Variants in ANO10 observed in about 807,000 individuals in gnomAD.
ANO10 encodes anoctamin-10.
Under a neutral mutation model 74.7 loss-of-function variants are expected in ANO10, and 77 were observed. The ratio of observed to expected loss-of-function variants is 1.03; its 90% CI spans 0.86 to 1.25. ANO10 has a LOEUF of 1.25. Ranked by LOEUF, ANO10 falls within the 50% of genes most tolerant of loss-of-function variation. The pLI, the probability that ANO10 is intolerant of heterozygous loss-of-function variation, is 0.00. For synonymous variants in ANO10, 279 were observed against 284.9 expected (o/e 0.98, Z 0.21); for missense variants, 721 against 778.1 (o/e 0.93, Z 0.87).
chr3:43,466,387 A>AG lies in ANO10; in HGVS notation c.1798-33661_1798-33660insC, dbSNP rs1559575404. Among the ~76,000 whole-genome samples, 4 of 120,060 alleles carry AG rather than the reference A, an allele frequency of 3.3e-5. No individual in the cohort carries two copies. In the East Asian group the frequency reaches 1.1e-3, roughly 32 times the overall value. The allele number at this position is 120,060 out of a possible 152,430, so 78.8% of individuals were successfully genotyped here. On this transcript the variant is annotated intron_variant, in intron 11 of 12. Transcript: ENST00000292246. ...TCCATCTCAAAAAAAAAAAAAAAAA[A>AG]CAAACAAAAAAACCAGTAATCAACA...
intron 12 of ANO10, among the ~76,000 whole-genome samples, chr3:43,367,494 C>T (rs1211703636): frequency 1.3e-5 from 2 of 152,184 alleles, no homozygotes; most frequent in African/African-American, 4.8e-5. Flanking sequence ...TCTCACCAGC[C>T]TTTTGTCCCT....
intron 11 of ANO10, among the ~76,000 whole-genome samples, chr3:43,533,413 T>C (rs1214691340): frequency 6.6e-6 from 1 of 152,208 alleles, no homozygotes; most frequent in African/African-American, 2.4e-5. Flanking sequence ...AAAAAAACAC[T>C]CGAAAGCTCC....
intron 11 of ANO10, among the ~76,000 whole-genome samples, chr3:43,497,857 T>A (rs534769666): frequency 6.6e-6 from 1 of 152,342 alleles, no homozygotes; most frequent in East Asian, 1.9e-4. Context: ...TTGATACTGT[T>A]TTTGCTGTGA....
intron 11 of ANO10, among the ~76,000 whole-genome samples, chr3:43,450,304 G>A (rs1267076364): frequency 1.3e-5 from 2 of 152,136 alleles, no homozygotes; most frequent in African/African-American, 4.8e-5. Context: ...ACTTTGGGAG[G>A]GCGAGGTGGG....
At position 43,596,276 on chromosome 3, in the gene ANO10, T is replaced by C. The variant is rs574118071; in HGVS notation, c.472+2256A>G. 2.6e-5 allele frequency among the ~76,000 whole-genome samples: 4 copies of C among 152,284 alleles called. No individual in the cohort carries two copies. In the South Asian group the frequency reaches 6.2e-4, roughly 24 times the overall value. ...GGAAAAAACTACTTTAAAGTTCATATGGAACCAAAAAAGAACCCGCATTGC... is the reference window on the plus strand; with the variant it reads ...GGAAAAAACTACTTTAAAGTTCATACGGAACCAAAAAAGAACCCGCATTGC... On this transcript the variant is annotated intron_variant, in intron 4 of 12. Coordinates refer to ENST00000292246, the MANE Select transcript of ANO10 (RefSeq NM_018075.5).
chr3:43,535,945 C>T lies in ANO10; in HGVS notation c.1797+13775G>A, dbSNP rs569316339. Among the ~76,000 whole-genome samples, 217 of 152,278 alleles carry T rather than the reference C, an allele frequency of 1.4e-3. 1 individual carries two copies. Among genetic ancestry groups the T allele is most frequent in the African/African-American group, 5.0e-3 (209 of 41,560 alleles). On this transcript the variant is annotated intron_variant, in intron 11 of 12. Transcript: ENST00000292246. Reference sequence around the variant, plus strand: ...CTAGTTTTGAAAGTCTGTTGTCCCTCATTTTAAAGCATAAAAACTATAAGA... The same window carrying T: ...CTAGTTTTGAAAGTCTGTTGTCCCTTATTTTAAAGCATAAAAACTATAAGA...
intron 7 of ANO10, 103 bp downstream of exon 7, chr3:43,574,706 T>G: frequency 1.1e-6 from 1 of 917,836 alleles, no homozygotes; most frequent in Non-Finnish European, 1.7e-6. Flanking sequence ...CAAAATATAT[T>G]GATATCTTAG....
intron 11 of ANO10, among the ~76,000 whole-genome samples, chr3:43,510,174 C>T (rs1004108111): frequency 6.6e-6 from 1 of 152,114 alleles, no homozygotes; most frequent in Admixed American, 6.5e-5. Context: ...TGGCTCAAGC[C>T]TGTAATCCTA....
At chr3:43,582,491 T>C (rs550651069) in intron 4 of ANO10, among the ~76,000 whole-genome samples, 4 of 151,498 alleles carry the variant, frequency 2.6e-5, no homozygotes, top group East Asian at 1.9e-4. Flanking sequence ...AAACACTACA[T>C]AGAGACAATG....
chr3:43,607,525 G>T (rs927693946), intron 1 of ANO10, among the ~76,000 whole-genome samples: 5 of 152,106 alleles, frequency 3.3e-5, no homozygotes, highest in South Asian at 2.1e-4. Context: ...ACCCACCAAG[G>T]AAGACAGTCA....
At chr3:43,545,763 C>T (rs536834725) in intron 11 of ANO10, among the ~76,000 whole-genome samples, 2 of 152,152 alleles carry the variant, frequency 1.3e-5, no homozygotes, top group African/African-American at 4.8e-5. Context: ...TTAAGTTATA[C>T]AACATATTTT....
intron 12 of ANO10, among the ~76,000 whole-genome samples, chr3:43,375,806 G>A (rs1403178527): frequency 2.0e-5 from 3 of 151,484 alleles, no homozygotes; most frequent in East Asian, 2.0e-4. Context: ...GGGAGAAGGT[G>A]TCTTCCTAGA....
chr3:43,680,522 A>T (rs1037996546), intron 1 of ANO10, among the ~76,000 whole-genome samples: 1 of 152,256 alleles, frequency 6.6e-6, no homozygotes, highest in Non-Finnish European at 1.5e-5. Flanking sequence ...GATATTATCC[A>T]GGAGAACTTC....
chr3:43,539,927 T>C (rs1176427659), intron 11 of ANO10, among the ~76,000 whole-genome samples: 1 of 152,218 alleles, frequency 6.6e-6, no homozygotes, highest in Non-Finnish European at 1.5e-5. Flanking sequence ...CAGGTTAGGT[T>C]ACCCACTGTA....
intron 12 of ANO10, among the ~76,000 whole-genome samples, chr3:43,380,682 C>CTT (rs1216839402): frequency 1.3e-5 from 2 of 152,114 alleles, no homozygotes; most frequent in Admixed American, 6.5e-5. Context: ...ATAAAAACTG[C>CTT]TAAAAGGAGC....
intron 9 of ANO10, among the ~76,000 whole-genome samples, chr3:43,559,079 C>A (rs974618626): frequency 6.6e-6 from 1 of 152,152 alleles, no homozygotes; most frequent in African/African-American, 2.4e-5. Flanking sequence ...ATTTAGTCAC[C>A]AAATAATTAA....
chr3:43,534,486 G>A lies in ANO10; in HGVS notation c.1797+15234C>T, dbSNP rs114974112. 2.1e-3 allele frequency among the ~76,000 whole-genome samples: 325 copies of A among 151,658 alleles called. 1 individual carries two copies. Among genetic ancestry groups the A allele is most frequent in the African/African-American group, 7.3e-3 (302 of 41,264 alleles). On this transcript the variant is annotated intron_variant, in intron 11 of 12. Coordinates refer to ENST00000292246, the MANE Select transcript of ANO10 (RefSeq NM_018075.5). The stretch of plus-strand genomic sequence containing the variant: ...TGAACGTGCGCGCATGAGAGAGAGC[G>A]CGCAAGAGAGAACGGGAGACAGAGA...
chr3:43,523,526 G>A (rs961392468), intron 11 of ANO10, among the ~76,000 whole-genome samples: 3 of 152,122 alleles, frequency 2.0e-5, no homozygotes, highest in Admixed American at 1.3e-4. Flanking sequence ...GGAATAATGA[G>A]GGCTTACCCT....
At chr3:43,633,250 T>C (rs1021662939) in intron 1 of ANO10, among the ~76,000 whole-genome samples, 1 of 152,230 alleles carries the variant, frequency 6.6e-6, no homozygotes, top group Non-Finnish European at 1.5e-5. Flanking sequence ...ATATAATATA[T>C]AAACTGTTTC....
Sources: allele counts gnomAD v4.1 joint callset (sites outside exome capture counted in the v4.1 genomes callset), GRCh38; gene constraint gnomAD v4.1.1; transcripts MANE v1.5; gene names NCBI Gene and HGNC (gene_info 2026-07-23, HGNC 2026-07-21).